The following VTI1A variants were observed in gnomAD, a reference collection of about 807,000 sequenced individuals.
VTI1A encodes the protein vesicle transport through interaction with t-SNAREs homolog 1A.
A neutral mutation model predicts 34.9 loss-of-function variants in VTI1A; 22 were observed. The ratio of observed to expected loss-of-function variants is 0.63; its 90% CI spans 0.45 to 0.90. VTI1A has a LOEUF of 0.90. VTI1A is among the 40% of genes least tolerant of loss of function. The pLI is 0.00. For missense variants in VTI1A, 268 were observed against 275.6 expected, an observed-to-expected ratio of 0.97 and a Z score of 0.20; for synonymous variants, 87 against 97.3, an observed-to-expected ratio of 0.89 and a Z score of 0.62.
At chr10:112,806,850 G>A (rs902397888) in intron 7 of VTI1A, among the ~76,000 whole-genome samples, 1 of 152,148 alleles carries the variant, frequency 6.6e-6, no homozygotes, top group Non-Finnish European at 1.5e-5. Context: ...GCCTCCCAAA[G>A]TTCTGGGATT....
At chr10:112,605,710 A>G (rs988435533) in intron 5 of VTI1A, among the ~76,000 whole-genome samples, 6 of 152,226 alleles carry the variant, frequency 3.9e-5, no homozygotes, top group East Asian at 1.9e-4. Context: ...TTGCAGCTCC[A>G]TGTCATTCTT....
At chr10:112,459,392 C>G (rs920903615) in intron 1 of VTI1A, among the ~76,000 whole-genome samples, 27 of 152,312 alleles carry the variant, frequency 1.8e-4, no homozygotes, top group African/African-American at 6.5e-4. Context: ...AGGCTTTCCC[C>G]TTGCTCTAGA....
chr10:112,568,936 C>A (rs2134356038), intron 5 of VTI1A, among the ~76,000 whole-genome samples: 1 of 152,158 alleles, frequency 6.6e-6, no homozygotes, highest in Middle Eastern at 3.4e-3. Context: ...GGGCGGATCA[C>A]CTGAGGTCGG....
intron 5 of VTI1A, among the ~76,000 whole-genome samples, chr10:112,667,741 G>A (rs1590047593): frequency 6.6e-6 from 1 of 150,962 alleles, no homozygotes; most frequent in Non-Finnish European, 1.5e-5. Context: ...AGCTACAGTA[G>A]GTGAGCATAT....
intron 5 of VTI1A, among the ~76,000 whole-genome samples, chr10:112,630,715 C>T (rs1046631034): frequency 2.0e-5 from 3 of 152,164 alleles, no homozygotes; most frequent in African/African-American, 7.2e-5. Context: ...CATTCAACAT[C>T]GCTGAAATGT....
At chr10:112,709,964 T>C (rs1486545236) in intron 7 of VTI1A, among the ~76,000 whole-genome samples, 3 of 147,346 alleles carry the variant, frequency 2.0e-5, no homozygotes, top group African/African-American at 2.5e-5. Context: ...GTGCTCTGTG[T>C]TGCTTTGATT....
chr10:112,465,502 C>A lies in VTI1A; in HGVS notation c.264+845C>A, dbSNP rs139642748. Among the ~76,000 whole-genome samples, 260 of 152,222 alleles carry A rather than the reference C, an allele frequency of 1.7e-3. 3 individuals are homozygous for A. The highest frequency in any genetic ancestry group is 1.4e-3 in the Non-Finnish European group (94 of 68,012). ...AATGGATACACAAAATGTGGTATAT[C>A]CACACAATGGAATATTATTCAGCCT... is the stretch of plus-strand genomic sequence containing the variant. On this transcript the variant is annotated intron_variant, in intron 3 of 7. Transcript: ENST00000393077.
At position 112,681,568 on chromosome 10, in the gene VTI1A, T is replaced by C. The variant is rs374467286; in HGVS notation, c.560+12570T>C. ...ACAAATTCAAATTTTTTAATTATGA[T>C]GAACTCTAAAATTTTAAGTAAGGCT... On this transcript the variant is annotated intron_variant, in intron 7 of 7. Coordinates refer to ENST00000393077, the MANE Select transcript of VTI1A (RefSeq NM_145206.4). Among the ~76,000 whole-genome samples the C allele has an allele frequency of 8.5e-5, 13 of 152,352 alleles. No homozygotes were observed. The East Asian group carries it at 2.3e-3, about 27-fold the overall frequency.
chr10:112,756,565 G>A (rs1346979659), intron 7 of VTI1A, among the ~76,000 whole-genome samples: 1 of 152,092 alleles, frequency 6.6e-6, no homozygotes, highest in Admixed American at 6.5e-5. Flanking sequence ...CTGGTGTTCA[G>A]GAAAATTCAG....
the VTI1A span, among the ~76,000 whole-genome samples, chr10:112,853,734 AC>A: frequency 6.6e-6 from 1 of 152,168 alleles, no homozygotes; most frequent in Non-Finnish European, 1.5e-5. Context: ...AAAAATAAAA[AC>A]AAAACTTGCC....
chr10:112,462,002 C>A (rs1211398820), intron 2 of VTI1A, among the ~76,000 whole-genome samples: 1 of 152,214 alleles, frequency 6.6e-6, no homozygotes, highest in Non-Finnish European at 1.5e-5. Context: ...AGGCATGCAC[C>A]ACCATGCCTG....
intron 7 of VTI1A, among the ~76,000 whole-genome samples, chr10:112,734,519 C>T (rs1176579511): frequency 6.6e-6 from 1 of 152,170 alleles, no homozygotes; most frequent in East Asian, 1.9e-4. Context: ...ATACCTATCA[C>T]AGCCAGTCTT....
chr10:112,549,338 A>C (rs1321125241), intron 5 of VTI1A, among the ~76,000 whole-genome samples: 1 of 152,316 alleles, frequency 6.6e-6, no homozygotes, highest in Non-Finnish European at 1.5e-5. Flanking sequence ...GTGCAGAGCT[A>C]GGGCCAGTAA....
chr10:112,719,503 G>C (rs7342028), intron 7 of VTI1A, among the ~76,000 whole-genome samples: 1 of 151,456 alleles, frequency 6.6e-6, no homozygotes, highest in Non-Finnish European at 1.5e-5. Context: ...TAGCTGTTAG[G>C]ATATTCACTG....
At chr10:112,497,391 C>G (rs1015057121) in intron 3 of VTI1A, among the ~76,000 whole-genome samples, 9 of 151,978 alleles carry the variant, frequency 5.9e-5, no homozygotes, top group Non-Finnish European at 1.3e-4. Flanking sequence ...AGTTCTTGCT[C>G]TGATACTTAT....
intron 7 of VTI1A, among the ~76,000 whole-genome samples, chr10:112,692,125 T>C (rs1313367425): frequency 6.6e-6 from 1 of 152,234 alleles, no homozygotes; most frequent in Non-Finnish European, 1.5e-5. Context: ...CTGAAATGTA[T>C]ATTCCCATTA....
At chr10:112,619,519 G>A (rs954079858) in intron 5 of VTI1A, among the ~76,000 whole-genome samples, 1 of 152,106 alleles carries the variant, frequency 6.6e-6, no homozygotes, top group Non-Finnish European at 1.5e-5. Context: ...CACCTGGGAG[G>A]CCCCCAAGCG....
At chr10:112,650,060 C>G (rs1846950249) in intron 5 of VTI1A, among the ~76,000 whole-genome samples, 1 of 152,118 alleles carries the variant, frequency 6.6e-6, no homozygotes, top group South Asian at 2.1e-4. Flanking sequence ...TTTCTTTCTT[C>G]AACAATCAGT....
In VTI1A at chr10:112,464,189, G is replaced by C. The variant is rs561747951; in HGVS notation, c.154-358G>C. 3.3e-5 allele frequency among the ~76,000 whole-genome samples: 5 copies of C among 152,210 alleles called. No individual in the cohort carries two copies. In the East Asian group the frequency reaches 5.8e-4, roughly 18 times the overall value. ...AATTTGGTATTTTTGGTAGAGATGG[G>C]GTTTCGCCATGTTGCCCAAGCTGTT... On this transcript the variant is annotated intron_variant, in intron 2 of 7. Transcript: ENST00000393077.
Sources: gnomAD v4.1 joint callset for allele counts (sites outside exome capture counted in the v4.1 genomes callset) on GRCh38, gnomAD v4.1.1 for gene constraint, MANE v1.5 for transcripts, NCBI Gene and HGNC (gene_info 2026-07-23, HGNC 2026-07-21) for gene names.